Variants in AK9 observed in about 807,000 individuals in gnomAD.
AK9 encodes adenylate kinase 9.
Under a neutral mutation model 239.6 loss-of-function variants are expected in AK9, and 191 were observed. The observed-to-expected ratio is 0.80, with a 90% CI of 0.71 to 0.90. AK9 has a LOEUF of 0.90. Among genes scored for constraint, AK9 ranks in the 40% least tolerant of loss-of-function variants. The pLI, the probability that AK9 is intolerant of heterozygous loss-of-function variation, is 0.00. For missense variants in AK9, 1,995 were observed against 2,214.7 expected (o/e 0.90, Z 1.99); for synonymous variants, 689 against 721.0 (o/e 0.96, Z 0.71).
At chr6:109,684,791 G>A (rs1365010201) in intron 1 of AK9, among the ~76,000 whole-genome samples, 4 of 129,218 alleles carry the variant, frequency 3.1e-5, no homozygotes, top group Non-Finnish European at 3.3e-5. Flanking sequence ...GGAGAATGGC[G>A]TGAACCCGGG....
chr6:109,514,768 C>T (rs1435188362), intron 31 of AK9, among the ~76,000 whole-genome samples: 1 of 152,116 alleles, frequency 6.6e-6, no homozygotes, highest in Non-Finnish European at 1.5e-5. Context: ...GCCAATTCAT[C>T]CTCACAAAGA....
chr6:109,662,071 C>T (rs1800493763), intron 6 of AK9, among the ~76,000 whole-genome samples: 1 of 152,124 alleles, frequency 6.6e-6, no homozygotes, highest in Non-Finnish European at 1.5e-5. Context: ...ACGTAATATA[C>T]TGGTTGATGT....
intron 1 of AK9, among the ~76,000 whole-genome samples, chr6:109,686,469 G>C (rs1368302637): frequency 1.3e-5 from 2 of 152,264 alleles, no homozygotes; most frequent in Admixed American, 1.3e-4. Context: ...ATACTGTTTT[G>C]ACCCATTTAG....
At chr6:109,611,351 G>A (rs1209477931) in intron 16 of AK9, among the ~76,000 whole-genome samples, 1 of 152,192 alleles carries the variant, frequency 6.6e-6, no homozygotes, top group Admixed American at 6.5e-5. Flanking sequence ...GCCCATGGGA[G>A]CGGGTGCATA....
intron 26 of AK9, among the ~76,000 whole-genome samples, chr6:109,542,696 T>C (rs1388306270): frequency 6.6e-6 from 1 of 152,204 alleles, no homozygotes; most frequent in Non-Finnish European, 1.5e-5. Context: ...TCTTTTTTTA[T>C]AGTGTTGCTT....
intron 32 of AK9, among the ~76,000 whole-genome samples, chr6:109,510,515 G>A (rs1778618895): frequency 6.6e-6 from 1 of 152,014 alleles, no homozygotes; most frequent in African/African-American, 2.4e-5. Flanking sequence ...CCTCTCCAGG[G>A]CCTCCTCTCT....
chr6:109,597,097 A>T (rs1160719218), intron 17 of AK9, among the ~76,000 whole-genome samples: 2 of 152,122 alleles, frequency 1.3e-5, no homozygotes, highest in Non-Finnish European at 2.9e-5. Context: ...CAACATCTGT[A>T]AATCTTTGTC....
At chr6:109,594,733 C>A (rs1790782137) in intron 17 of AK9, among the ~76,000 whole-genome samples, 1 of 152,136 alleles carries the variant, frequency 6.6e-6, no homozygotes, top group Admixed American at 6.5e-5. Context: ...TGATCTTTGA[C>A]AAACTGACAA....
rs771029700 is a variant in AK9 at position 109,614,167 on chromosome 6, C to A, written c.1609+16G>T. ...ATGAGATCCACAAACGTGGGATTAG[C>A]AGTTCACTTTGTTACCATCTTTATC... On this transcript the variant is annotated intron_variant, in intron 15 of 40. Transcript: ENST00000424296. The A allele has an allele frequency of 6.5e-7, 1 of 1,530,542 alleles. No individual in the cohort carries two copies. Among genetic ancestry groups the A allele is most frequent in the South Asian group, 1.2e-5 (1 of 83,596 alleles). 94.8% of individuals were successfully genotyped at this position (1,530,542 alleles called of 1,614,324 possible). A position where few individuals can be genotyped will look rare whatever the true frequency, so the allele number is the denominator to read the frequency against.
At position 109,557,962 on chromosome 6, in the gene AK9, T is replaced by C. The variant is rs1582996270; in HGVS notation, c.2751+5635A>G. On this transcript the variant is annotated intron_variant, in intron 24 of 40. Transcript: ENST00000424296. ...ACTATCTAATAGTGTCTCATTGTGATTTTAATTTTTACTTCCTTAATGACT... is the reference window on the plus strand; with the variant it reads ...ACTATCTAATAGTGTCTCATTGTGACTTTAATTTTTACTTCCTTAATGACT... 3.3e-5 allele frequency among the ~76,000 whole-genome samples: 5 copies of C among 152,358 alleles called. No individual in the cohort carries two copies. In the East Asian group the frequency reaches 9.6e-4, roughly 29 times the overall value.
intron 8 of AK9, among the ~76,000 whole-genome samples, chr6:109,650,444 AG>A (rs1289062903): frequency 7.2e-5 from 11 of 152,160 alleles, no homozygotes; most frequent in African/African-American, 1.2e-4. Flanking sequence ...ACTTCTCAAA[AG>A]AAGACATTTC....
intron 10 of AK9, among the ~76,000 whole-genome samples, chr6:109,637,376 T>C (rs1796854145): frequency 6.6e-6 from 1 of 151,730 alleles, no homozygotes; most frequent in Non-Finnish European, 1.5e-5. Flanking sequence ...GTGTTTTCCT[T>C]TTTTTTTGTA....
intron 24 of AK9, among the ~76,000 whole-genome samples, chr6:109,555,502 C>T (rs528378942): frequency 3.3e-5 from 5 of 152,242 alleles, no homozygotes; most frequent in South Asian, 2.1e-4. Context: ...TTTGGGGTAT[C>T]GAGTTCTGTA....
chr6:109,663,652 T>C (rs1562576756), intron 5 of AK9, among the ~76,000 whole-genome samples: 1 of 152,378 alleles, frequency 6.6e-6, no homozygotes, highest in East Asian at 1.9e-4. Context: ...TTGGAAGATC[T>C]GTATAACTCA....
chr6:109,610,332 C>T, intron 17 of AK9, 33 bp downstream of exon 17: 1 of 1,543,890 alleles, frequency 6.5e-7, no homozygotes, highest in Non-Finnish European at 8.8e-7. Context: ...ATAGTTAAGT[C>T]ACTGATAAGA....
intron 21 of AK9, among the ~76,000 whole-genome samples, chr6:109,569,950 A>T (rs566433154): frequency 6.6e-6 from 1 of 152,294 alleles, no homozygotes; most frequent in Admixed American, 6.5e-5. Context: ...AAAGGATTAC[A>T]AATCATGCTG....
chr6:109,503,064 T>G (rs564145604), intron 35 of AK9, among the ~76,000 whole-genome samples: 12 of 152,156 alleles, frequency 7.9e-5, no homozygotes, highest in Non-Finnish European at 1.3e-4. Flanking sequence ...TTCTATCTGT[T>G]GCTTATGACA....
intron 9 of AK9, 116 bp from the exon 10 acceptor site, chr6:109,641,732 T>C (rs7765265): frequency 0.64 from 523,785 of 813,994 alleles, 173,808 homozygotes; most frequent in East Asian, 0.85. Flanking sequence ...GGTCGAATCC[T>C]TGCTTGCTTC....
At chr6:109,627,449 C>T (rs1795675344) in intron 12 of AK9, among the ~76,000 whole-genome samples, 1 of 152,076 alleles carries the variant, frequency 6.6e-6, no homozygotes, top group Non-Finnish European at 1.5e-5. Flanking sequence ...CATAACTGTA[C>T]ATGATTGTAT....
Sources: gnomAD v4.1 joint callset for allele counts (sites outside exome capture counted in the v4.1 genomes callset) on GRCh38, gnomAD v4.1.1 for gene constraint, MANE v1.5 for transcripts, NCBI Gene and HGNC (gene_info 2026-07-23, HGNC 2026-07-21) for gene names.